Variants in P3H1 observed in about 807,000 individuals in gnomAD.
The protein encoded by P3H1 is growth suppressor 1.
P3H1 carries 69 observed loss-of-function variants against 84.0 expected under a neutral mutation model. That is an observed-to-expected ratio of 0.82 (90% CI 0.68 to 1.00). P3H1 has a LOEUF of 1.00. Among genes scored for constraint, P3H1 ranks in the 50% least tolerant of loss-of-function variants. P3H1 has a pLI of 0.00. For synonymous variants in P3H1, 366 were observed against 388.8 expected, an observed-to-expected ratio of 0.94 and a Z score of 0.69; for missense variants, 878 against 962.8, an observed-to-expected ratio of 0.91 and a Z score of 1.17.
rs1652329794 is a variant in P3H1 at position 42,755,198 on chromosome 1, T to C, written c.1190A>G (p.Glu397Gly). ...FVDPDSWTPE[E>G]VIPKRLQEKQ... ...CTCTTGCAATCTCTTGGGAATCACT[T>C]CTTCTGGAGTCCATGAATCCTAAGT... is the stretch of plus-strand genomic sequence containing the variant. Residue 397 changes from glutamate (E) to glycine (G), a missense_variant, in exon 7 of 15, where the codon GAA (glutamate) becomes GGA (glycine). Glu to Gly is a moderately conservative substitution (Grantham distance 98, BLOSUM62 -2). Coordinates refer to ENST00000296388, the MANE Select transcript of P3H1 (RefSeq NM_022356.4). The C allele has an allele frequency of 9.3e-6, 15 of 1,614,030 alleles. No individual in the cohort carries two copies. Among genetic ancestry groups the C allele is most frequent in the African/African-American group, 1.3e-5 (1 of 74,932 alleles).
intron 1 of P3H1, among the ~76,000 whole-genome samples, chr1:42,765,203 T>C (rs891152592): frequency 1.3e-5 from 2 of 152,228 alleles, no homozygotes; most frequent in Admixed American, 1.3e-4. Flanking sequence ...TCATTTTTTT[T>C]CCTGAATACA....
rs922968963 is a variant in P3H1 at position 42,755,560 on chromosome 1, G to C, written c.1158C>G (p.Pro386=). 1 of 1,613,838 alleles carries C rather than the reference G, an allele frequency of 6.2e-7. No homozygotes were observed. The highest frequency in any genetic ancestry group is 1.3e-5 in the African/African-American group (1 of 75,018). ...LFFAYDVFGI[P]FVDPDSWTPE... The stretch of plus-strand genomic sequence containing the variant: ...TACCCTAGCTCACCGGATCCACAAA[G>C]GGAATTCCAAAAACATCATAAGCGA... The change falls in exon 6 of 15, where the codon CCC becomes CCG. Residue 386 remains proline (P), a synonymous_variant. Coordinates refer to ENST00000296388, the MANE Select transcript of P3H1 (RefSeq NM_022356.4).
chr1:42,749,740 T>C (rs573027054), intron 11 of P3H1, among the ~76,000 whole-genome samples: 9 of 147,494 alleles, frequency 6.1e-5, no homozygotes, highest in Admixed American at 5.5e-4. Context: ...CATTGCTTCC[T>C]CTGGGAAGCC....
intron 1 of P3H1, among the ~76,000 whole-genome samples, chr1:42,764,137 A>G (rs1382967438): frequency 6.6e-6 from 1 of 151,888 alleles, no homozygotes. Context: ...TCTCAAAAGA[A>G]AAGAGGGCTG....
chr1:42,762,660 A>G (rs984515028), intron 1 of P3H1, among the ~76,000 whole-genome samples, 185 bp from the exon 2 acceptor site: 1 of 152,206 alleles, frequency 6.6e-6, no homozygotes, highest in Non-Finnish European at 1.5e-5. Context: ...GATTAGGAGC[A>G]TAGTGCCCTG....
Position 42,754,969 on chromosome 1 carries a change from T to TA in P3H1, c.1244dup (p.Arg416ThrfsTer40), listed in dbSNP as rs764211210. On this transcript the variant is annotated frameshift_variant, in exon 8 of 15. Transcript: ENST00000296388. LOFTEE classifies it high-confidence loss of function. This position sits in a 1 kb window ranked among gnomAD's most constrained non-coding sequence, Gnocchi z 4.0. The stretch of plus-strand genomic sequence containing the variant: ...GGTTCCCAATCTCCTGGGAGATGCG[T>TA]ACGGCTGTTTCCCGTTCTGACCTAT... 2.5e-6 allele frequency: 4 copies of TA among 1,614,112 alleles called. No individual in the cohort carries two copies. The African/African-American group carries it at 5.3e-5, about 22-fold the overall frequency.
chr1:42,759,586 A>T (rs1413023113), intron 2 of P3H1, among the ~76,000 whole-genome samples, 196 bp from the exon 3 acceptor site: 2 of 152,076 alleles, frequency 1.3e-5, no homozygotes, highest in Non-Finnish European at 2.9e-5. Context: ...AAATTTAAAA[A>T]CATTTAGCTC....
rs914918649 is a variant in P3H1, at chr1:42,754,091, G to C, written c.1345+778C>G. The stretch of plus-strand genomic sequence containing the variant: ...CTGTGTGAAGAGACGGTGTAAACAG[G>C]ACAAGAGTAGAACATTCGGTTAAGG... On this transcript the variant is annotated intron_variant, in intron 8 of 14. Coordinates refer to ENST00000296388, the MANE Select transcript of P3H1 (RefSeq NM_022356.4). The surrounding 1 kb of genome is among the most constrained non-coding windows in gnomAD (Gnocchi z 4.0). 3.9e-5 allele frequency among the ~76,000 whole-genome samples: 6 copies of C among 152,214 alleles called. No individual in the cohort carries two copies. The highest frequency in any genetic ancestry group is 3.9e-4 in the Admixed American group (6 of 15,286).
chr1:42,748,615 A>G (rs1282233425), intron 11 of P3H1: 1 of 413,302 alleles, frequency 2.4e-6, no homozygotes, highest in Non-Finnish European at 4.6e-6. Context: ...TACAAAATAC[A>G]AAGGCCCAGG....
chr1:42,747,606 A>T (rs1651802741), intron 13 of P3H1, 117 bp downstream of exon 13: 1 of 1,198,692 alleles, frequency 8.3e-7, no homozygotes, highest in Admixed American at 1.7e-5. Flanking sequence ...TGGATGGGGG[A>T]AGGGTACCGC....
intron 13 of P3H1, 118 bp downstream of exon 13, chr1:42,747,605 G>C: frequency 8.3e-7 from 1 of 1,200,568 alleles, no homozygotes; most frequent in Non-Finnish European, 1.2e-6. Flanking sequence ...CTGGATGGGG[G>C]AAGGGTACCG....
Position 42,747,401 on chromosome 1 carries a change from C to T in P3H1, c.1926G>A (p.Gln642=). The change falls in exon 14 of 15, where the codon CAG becomes CAA. Residue 642 remains glutamine (Q), a synonymous_variant. Transcript: ENST00000296388. The part of the protein sequence containing the change: ...LDAKTVTAEV[Q]PQCGRAVGFS... Reference sequence around the variant, plus strand: ...ATCCCACGGCTCTTCCACACTGAGGCTGCACCTCTGCCTAAGGGGGACAGA... The same window carrying T: ...ATCCCACGGCTCTTCCACACTGAGGTTGCACCTCTGCCTAAGGGGGACAGA... 6.2e-7 allele frequency: 1 copy of T among 1,611,070 alleles called. No individual in the cohort carries two copies. Among genetic ancestry groups the T allele is most frequent in the Non-Finnish European group, 8.5e-7 (1 of 1,178,858 alleles).
chr1:42,749,997 G>C (rs1651939894), intron 11 of P3H1, 189 bp downstream of exon 11: 1 of 677,312 alleles, frequency 1.5e-6, no homozygotes, highest in Middle Eastern at 4.2e-4. Flanking sequence ...TTGATCCCCA[G>C]GTAGGTTGAC....
Position 42,752,457 on chromosome 1 carries a change from C to T in P3H1, c.1473+80G>A, listed in dbSNP as rs765207673. 1.7e-5 allele frequency: 27 copies of T among 1,611,250 alleles called. 2 individuals are homozygous for T. Among genetic ancestry groups the T allele is most frequent in the Middle Eastern group, 1.8e-4 (1 of 5,666 alleles). The stretch of plus-strand genomic sequence containing the variant: ...TCAACTGTGGCCAGGAAGAGGAAGG[C>T]GAAGGCTACCACCCAAGGGGCACTT... On this transcript the variant is annotated intron_variant, in intron 9 of 14. Coordinates refer to ENST00000296388, the MANE Select transcript of P3H1 (RefSeq NM_022356.4).
intron 11 of P3H1, chr1:42,749,925 G>C (rs113149930): frequency 1.4e-3 from 736 of 513,398 alleles, no homozygotes; most frequent in Non-Finnish European, 2.3e-3. Flanking sequence ...AAAGTGCGTT[G>C]TGTGACAAGT....
At chr1:42,763,567 G>A (rs1652830425) in intron 1 of P3H1, among the ~76,000 whole-genome samples, 1 of 151,026 alleles carries the variant, frequency 6.6e-6, no homozygotes, top group African/African-American at 2.4e-5. Context: ...AGCTTCTTGG[G>A]AGGCTGAAGC....
Position 42,755,606 on chromosome 1 carries a change from A to G in P3H1, c.1112T>C (p.Leu371Pro). The G allele has an allele frequency of 6.2e-7, 1 of 1,614,124 alleles. No homozygotes were observed. Among genetic ancestry groups the G allele is most frequent in the Non-Finnish European group, 8.5e-7 (1 of 1,179,988 alleles). ...AGCGAAGAAAAGCAGTTCTTTTTCC[A>G]GTAGGCTTCGCTGTCGGTACTCCTT... ...SAKEYRQRSL[L>P]EKELLFFAYD... The change falls in exon 6 of 15, where the codon CTG becomes CCG. Residue 371 changes from leucine to proline, a missense_variant. Leu to Pro is a moderately conservative substitution (Grantham distance 98, BLOSUM62 -3). Coordinates refer to ENST00000296388, the MANE Select transcript of P3H1 (RefSeq NM_022356.4).
chr1:42,747,464 A>G (rs1042325874), intron 13 of P3H1, 52 bp from the exon 14 acceptor site: 1 of 1,554,246 alleles, frequency 6.4e-7, no homozygotes, highest in Non-Finnish European at 8.8e-7. Context: ...ACTGTAATCC[A>G]CTCTCAGAAG....
Position 42,757,666 on chromosome 1 carries a change from A to G in P3H1, c.1080+117T>C, listed in dbSNP as rs1570471746. The G allele has an allele frequency of 5.4e-6, 8 of 1,470,458 alleles. No individual in the cohort carries two copies. In the East Asian group the frequency reaches 1.6e-4, roughly 29 times the overall value. 91.1% of individuals were successfully genotyped at this position (1,470,458 alleles called of 1,614,324 possible). The stretch of plus-strand genomic sequence containing the variant: ...GACTGAACTCACATCTGGCCCCAAC[A>G]CTGACATCTGGCCCCTGCCCTGCAC... On this transcript the variant is annotated intron_variant, in intron 5 of 14. Coordinates refer to ENST00000296388, the MANE Select transcript of P3H1 (RefSeq NM_022356.4).
Sources: allele counts gnomAD v4.1 joint callset (sites outside exome capture counted in the v4.1 genomes callset), GRCh38; gene constraint gnomAD v4.1.1; non-coding constraint Gnocchi (gnomAD v3.1); transcripts MANE v1.5; gene names NCBI Gene and HGNC (gene_info 2026-07-23, HGNC 2026-07-21).